RNF144A: variants seen among roughly 807,000 people sequenced by gnomAD.
The protein encoded by RNF144A is E3 ubiquitin-protein ligase RNF144A.
A neutral mutation model predicts 38.7 loss-of-function variants in RNF144A; 11 were observed. The observed-to-expected ratio is 0.28, with a 90% CI of 0.18 to 0.47. The LOEUF is 0.47. Among genes scored for constraint, RNF144A ranks in the 20% least tolerant of loss-of-function variants. The pLI is 0.99. For missense variants in RNF144A, 316 were observed against 377.2 expected (o/e 0.84, Z 1.34); for synonymous variants, 149 against 143.9 (o/e 1.04, Z -0.25).
At chr2:6,953,072 C>T (rs1018529136) in intron 2 of RNF144A, among the ~76,000 whole-genome samples, 1 of 152,110 alleles carries the variant, frequency 6.6e-6, no homozygotes, top group African/African-American at 2.4e-5. Context: ...ACTTTTTCAG[C>T]TAAAAACAGC....
downstream of RNF144A, among the ~76,000 whole-genome samples, chr2:7,068,462 G>A (rs544954027): frequency 3.3e-5 from 5 of 152,320 alleles, no homozygotes; most frequent in African/African-American, 1.2e-4. Context: ...AGAGGATGGT[G>A]CTGCTAACAG....
At chr2:7,028,949 A>G (rs116405743) in intron 7 of RNF144A, among the ~76,000 whole-genome samples, 2,038 of 152,278 alleles carry the variant, frequency 0.013, 50 homozygotes, top group African/African-American at 0.047. Context: ...CTGTGCATTC[A>G]GACACCAGGA....
At chr2:6,989,008 G>A (rs1669164105) in intron 2 of RNF144A, among the ~76,000 whole-genome samples, 3 of 152,010 alleles carry the variant, frequency 2.0e-5, no homozygotes, top group Admixed American at 1.3e-4. Context: ...CAACTCCAAT[G>A]TCCTGCCCCA....
At position 6,959,793 on chromosome 2, in the gene RNF144A, C is replaced by G. The variant is rs186570877; in HGVS notation, c.-12+18646C>G. On this transcript the variant is annotated intron_variant, in intron 2 of 8. Coordinates refer to ENST00000320892, the MANE Select transcript of RNF144A (RefSeq NM_014746.6). ...AGTCATTTCTTAAAGATCACCACCC[C>G]CCCCATACTGTTTCATTGAGGATTA... Among the ~76,000 whole-genome samples, 14 of 152,270 alleles carry G rather than the reference C, an allele frequency of 9.2e-5. No homozygotes were observed. The East Asian group carries it at 1.7e-3, about 19-fold the overall frequency.
chr2:7,031,639 C>A lies in RNF144A; in HGVS notation c.747+1424C>A, dbSNP rs1271734133. Among the ~76,000 whole-genome samples, 9 of 152,374 alleles carry A rather than the reference C, an allele frequency of 5.9e-5. No individual in the cohort carries two copies. The South Asian group carries it at 1.9e-3, about 32-fold the overall frequency. On this transcript the variant is annotated intron_variant, in intron 8 of 8. Transcript: ENST00000320892. ...AGGAGAGCCTCTGAGGCACATGTGT[C>A]AGCCTCATCTAAAAGATGGAGAAAC...
chr2:7,001,537 C>T (rs145992285), intron 3 of RNF144A, among the ~76,000 whole-genome samples: 1,590 of 151,896 alleles, frequency 0.01, 26 homozygotes, highest in African/African-American at 0.037. Flanking sequence ...ATTAGCTGGG[C>T]GTGGTGACAG....
chr2:6,927,449 G>C (rs189701646), intron 1 of RNF144A, among the ~76,000 whole-genome samples: 4 of 152,356 alleles, frequency 2.6e-5, no homozygotes, highest in Non-Finnish European at 5.9e-5. Context: ...CAGCTTGACT[G>C]TGCCAGCCTA....
At chr2:6,976,237 T>G (rs1346498592) in intron 2 of RNF144A, among the ~76,000 whole-genome samples, 1 of 152,196 alleles carries the variant, frequency 6.6e-6, no homozygotes, top group Admixed American at 6.5e-5. Context: ...GGTGTGTGAG[T>G]AATGGTTGAC....
intron 8 of RNF144A, among the ~76,000 whole-genome samples, chr2:7,037,858 G>C (rs190775190): frequency 1.1e-3 from 163 of 152,308 alleles, no homozygotes; most frequent in Non-Finnish European, 2.1e-3. Flanking sequence ...AGAAGTGAAG[G>C]CTGAGTTGGA....
chr2:6,973,698 G>A (rs559212603), intron 2 of RNF144A, among the ~76,000 whole-genome samples: 2 of 152,132 alleles, frequency 1.3e-5, no homozygotes, highest in Admixed American at 6.5e-5. Context: ...ATGGTGATAC[G>A]GATTTTCACC....
At chr2:6,997,627 C>G (rs1291868625) in intron 3 of RNF144A, among the ~76,000 whole-genome samples, 3 of 152,164 alleles carry the variant, frequency 2.0e-5, no homozygotes, top group Admixed American at 2.0e-4. Flanking sequence ...TTGGGTCAAA[C>G]TCAAATCCCA....
At chr2:6,993,375 A>G (rs963353665) in intron 2 of RNF144A, among the ~76,000 whole-genome samples, 2 of 152,198 alleles carry the variant, frequency 1.3e-5, no homozygotes, top group Admixed American at 6.5e-5. Context: ...ATCATGGTCC[A>G]GGCAGAAAGG....
intron 1 of RNF144A, among the ~76,000 whole-genome samples, chr2:6,937,626 G>T (rs776360621): frequency 1.3e-5 from 2 of 152,182 alleles, no homozygotes; most frequent in African/African-American, 2.4e-5. Flanking sequence ...CCAAGTAAAG[G>T]CAGAGAATAG....
intron 1 of RNF144A, among the ~76,000 whole-genome samples, chr2:6,938,744 C>A (rs1401803245): frequency 1.3e-5 from 2 of 152,200 alleles, no homozygotes; most frequent in African/African-American, 4.8e-5. Context: ...TATTCTCTCA[C>A]TTTCCAAGCT....
At chr2:7,045,824 C>T (rs1245345255), downstream of RNF144A, among the ~76,000 whole-genome samples, 1 of 152,118 alleles carries the variant, frequency 6.6e-6, no homozygotes, top group Non-Finnish European at 1.5e-5. Flanking sequence ...GGTGCTGCCT[C>T]AGGTGCAGTC....
intron 3 of RNF144A, among the ~76,000 whole-genome samples, chr2:7,000,181 T>C (rs1670012376): frequency 6.6e-6 from 1 of 152,234 alleles, no homozygotes; most frequent in Admixed American, 6.5e-5. Flanking sequence ...GTGCTAGGCC[T>C]TGGGAGCTTG....
rs531435966 is a variant in RNF144A at position 6,947,259 on chromosome 2, T to C, written c.-12+6112T>C. On this transcript the variant is annotated intron_variant, in intron 2 of 8. Coordinates refer to ENST00000320892, the MANE Select transcript of RNF144A (RefSeq NM_014746.6). Reference sequence around the variant, plus strand: ...GATTTAAGAAATGTACATTAATTTATATTTATCTTGTTTTTATTAATTATA... The same window carrying C: ...GATTTAAGAAATGTACATTAATTTACATTTATCTTGTTTTTATTAATTATA... Among the ~76,000 whole-genome samples the C allele has an allele frequency of 3.9e-5, 6 of 152,200 alleles. No homozygotes were observed. The South Asian group carries it at 1.2e-3, about 31-fold the overall frequency.
intron 1 of RNF144A, among the ~76,000 whole-genome samples, chr2:6,936,635 T>C (rs1023081985): frequency 1.3e-5 from 2 of 152,220 alleles, no homozygotes; most frequent in African/African-American, 4.8e-5. Flanking sequence ...TAAAATAATG[T>C]CTTTAATGTA....
chr2:7,000,085 G>A (rs1450360056), intron 3 of RNF144A, among the ~76,000 whole-genome samples: 12 of 152,200 alleles, frequency 7.9e-5, no homozygotes, highest in Non-Finnish European at 1.5e-4. Flanking sequence ...CAGGTTCTCC[G>A]GGGCTTTCCT....
Sources: gnomAD v4.1 joint callset for allele counts (sites outside exome capture counted in the v4.1 genomes callset) on GRCh38, gnomAD v4.1.1 for gene constraint, MANE v1.5 for transcripts, NCBI Gene and HGNC (gene_info 2026-07-23, HGNC 2026-07-21) for gene names.